Variants in GALK1 observed in about 807,000 individuals in gnomAD.
GALK1 encodes galactokinase.
A neutral mutation model predicts 38.6 loss-of-function variants in GALK1; 30 were observed. The observed-to-expected ratio is 0.78, with a 90% CI of 0.58 to 1.05. The LOEUF (loss-of-function observed/expected upper bound fraction) is 1.05, where lower values mean the gene tolerates loss of function less well. Ranked by LOEUF, GALK1 falls within the 50% of genes least tolerant of loss-of-function variation. The pLI, the probability that GALK1 is intolerant of heterozygous loss-of-function variation, is 0.00. For missense variants in GALK1, 512 were observed against 540.5 expected (o/e 0.95, Z 0.52); for synonymous variants, 240 against 233.6 (o/e 1.03, Z -0.25).
At chr17:75,760,092 C>G (rs1191084831) in intron 5 of GALK1, among the ~76,000 whole-genome samples, 2 of 152,072 alleles carry the variant, frequency 1.3e-5, no homozygotes, top group Non-Finnish European at 1.5e-5. Flanking sequence ...CTTAAGGATA[C>G]TTGTATCTTT....
intron 5 of GALK1, among the ~76,000 whole-genome samples, chr17:75,761,328 G>C (rs990475649): frequency 2.0e-5 from 3 of 151,954 alleles, no homozygotes; most frequent in Admixed American, 6.6e-5. Flanking sequence ...GAGCTTTAAA[G>C]AGCCACACGG....
chr17:75,755,567 G>C, downstream of GALK1: 1 of 1,136,866 alleles, frequency 8.8e-7, no homozygotes, highest in Non-Finnish European at 1.3e-6. Flanking sequence ...GGGTGTTGCA[G>C]GGTGAGTGAG....
At chr17:75,752,964 A>ACC (rs1300228354), downstream of GALK1, among the ~76,000 whole-genome samples, 2 of 152,024 alleles carry the variant, frequency 1.3e-5, no homozygotes, top group Non-Finnish European at 2.9e-5. Flanking sequence ...AGACAAGAAC[A>ACC]CCCCCAACAG....
downstream of GALK1, among the ~76,000 whole-genome samples, chr17:75,753,231 C>T (rs926934085): frequency 6.6e-6 from 1 of 152,216 alleles, no homozygotes; most frequent in Non-Finnish European, 1.5e-5. Flanking sequence ...CCGGTGAACA[C>T]ATACTGGCCC....
At chr17:75,760,834 AC>A (rs1301185847) in intron 5 of GALK1, among the ~76,000 whole-genome samples, 2 of 151,830 alleles carry the variant, frequency 1.3e-5, no homozygotes, top group African/African-American at 2.4e-5. Flanking sequence ...TACCCAGGAG[AC>A]TAGGTGAGAA....
At chr17:75,756,792 G>T, downstream of GALK1, 1 of 1,612,730 alleles carries the variant, frequency 6.2e-7, no homozygotes, top group Non-Finnish European at 8.5e-7. Flanking sequence ...TGAGCTGGGA[G>T]CGGCCACGGA....
downstream of GALK1, chr17:75,753,710 C>A: frequency 1.6e-6 from 2 of 1,241,020 alleles, no homozygotes; most frequent in Non-Finnish European, 2.1e-6. Flanking sequence ...CCGCCTGGCC[C>A]TGCTCGGCCC....
At chr17:75,757,185 A>G (rs142184100), downstream of GALK1, 11,270 of 1,611,368 alleles carry the variant, frequency 7.0e-3, 61 homozygotes, top group Non-Finnish European at 8.9e-3. Context: ...TGACTGGCCT[A>G]TCTGCCCACC....
chr17:75,754,219 G>A (rs1362051078), downstream of GALK1, among the ~76,000 whole-genome samples: 2 of 152,174 alleles, frequency 1.3e-5, no homozygotes, highest in African/African-American at 4.8e-5. Flanking sequence ...CCCGGGAAGC[G>A]GACCCTGGCA....
chr17:75,759,964 A>AC (rs2061580578), intron 5 of GALK1, among the ~76,000 whole-genome samples: 1 of 152,198 alleles, frequency 6.6e-6, no homozygotes, highest in South Asian at 2.1e-4. Flanking sequence ...CAAAAATATG[A>AC]CAACTATGGT....
rs2061568731 is a variant in GALK1, at chr17:75,758,599, G to A, written c.794C>T (p.Ala265Val). The stretch of plus-strand genomic sequence containing the variant: ...CTCTTTGCTCACCAGGTCCCTGGCA[G>A]CTGGGGAGGAAAGAGGAGTCAGCAG... ...LREVQLEELE[A>V]ARDLVSKEGF... The change falls in exon 6 of 8, where the codon GCT becomes GTT. Residue 265 changes from alanine (A) to valine (V), a missense_variant and splice_region_variant. Physicochemically the swap from Ala to Val is moderately conservative, Grantham distance 64 (BLOSUM62 0). Coordinates refer to ENST00000588479, the MANE Select transcript of GALK1 (RefSeq NM_000154.2). The A allele has an allele frequency of 2.5e-6, 4 of 1,589,998 alleles. No homozygotes were observed. Among genetic ancestry groups the A allele is most frequent in the South Asian group, 2.2e-5 (2 of 88,982 alleles).
chr17:75,762,624 C>G (rs2143601049), intron 5 of GALK1, 80 bp downstream of exon 5: 1 of 1,493,848 alleles, frequency 6.7e-7, no homozygotes, highest in East Asian at 2.3e-5. Flanking sequence ...GATCGGGGTC[C>G]CAGGCAGGGT....
chr17:75,754,964 A>G, downstream of GALK1: 4 of 1,524,046 alleles, frequency 2.6e-6, no homozygotes, highest in Non-Finnish European at 3.6e-6. Context: ...GTGCACACGC[A>G]TGCACACATG....
At chr17:75,753,690 C>T (rs1026936012), downstream of GALK1, 1 of 1,027,702 alleles carries the variant, frequency 9.7e-7, no homozygotes, top group Non-Finnish European at 1.3e-6. Flanking sequence ...GCAGAGCCTA[C>T]GGCCTTCCCC....
rs766568665 is a variant in GALK1 at position 75,764,004 on chromosome 17, T to C, written c.248A>G (p.Asp83Gly). The stretch of plus-strand genomic sequence containing the variant: ...TGGAAACTGCAGCCGCTGGGGCTCA[T>C]CGGCACCCTCAGAGGTGGTGAGGAG... ...VSLLTTSEGADEPQRLQFPLP... is the reference protein window; with the variant it reads ...VSLLTTSEGAGEPQRLQFPLP... Residue 83 changes from aspartate to glycine, a missense_variant, in exon 2 of 8, where the codon GAT (aspartate) becomes GGT (glycine). Transcript: ENST00000588479. 6.2e-7 allele frequency: 1 copy of C among 1,610,666 alleles called. No individual in the cohort carries two copies. The highest frequency in any genetic ancestry group is 2.2e-5 in the East Asian group (1 of 44,794).
downstream of GALK1, chr17:75,756,892 G>A: frequency 6.2e-7 from 1 of 1,612,366 alleles, no homozygotes; most frequent in Non-Finnish European, 8.5e-7. Flanking sequence ...GAGTGGCCAG[G>A]GGAGGGGTAA....
At chr17:75,764,458 C>A in intron 1 of GALK1, 1 of 559,724 alleles carries the variant, frequency 1.8e-6, no homozygotes, top group Non-Finnish European at 3.5e-6. Context: ...CGGAAAGCGC[C>A]CCCCGCTGAA....
In GALK1 at chr17:75,762,960, C is replaced by T. The variant is rs549737244; in HGVS notation, c.611+54G>A. 3.8e-6 allele frequency: 6 copies of T among 1,573,526 alleles called. No homozygotes were observed. The East Asian group carries it at 1.1e-4, about 29-fold the overall frequency. On this transcript the variant is annotated intron_variant, in intron 4 of 7. Transcript: ENST00000588479. The stretch of plus-strand genomic sequence containing the variant: ...CTGCGCCAGGCAGTGGGCACACTCC[C>T]ACCCAGGAGCTGCTGAGTGCAGGGC...
chr17:75,752,963 C>G (rs776049518), downstream of GALK1, among the ~76,000 whole-genome samples: 1 of 152,236 alleles, frequency 6.6e-6, no homozygotes, highest in Non-Finnish European at 1.5e-5. Flanking sequence ...GAGACAAGAA[C>G]ACCCCCAACA....
Sources: allele counts gnomAD v4.1 joint callset (sites outside exome capture counted in the v4.1 genomes callset), GRCh38; gene constraint gnomAD v4.1.1; transcripts MANE v1.5; gene names NCBI Gene and HGNC (gene_info 2026-07-23, HGNC 2026-07-21).